The following POC1B variants were observed in gnomAD, a reference collection of about 807,000 sequenced individuals.
The protein encoded by POC1B is POC1 centriolar protein B, also known as POC1 centriolar protein homolog B.
Under a neutral mutation model 60.6 loss-of-function variants are expected in POC1B, and 44 were observed. The ratio of observed to expected loss-of-function variants is 0.73; its 90% CI spans 0.57 to 0.93. The LOEUF (loss-of-function observed/expected upper bound fraction) is 0.93. Ranked by LOEUF, POC1B falls within the 40% of genes least tolerant of loss-of-function variation. The probability of loss-of-function intolerance (pLI) is 0.00; values close to 1 mark genes in which losing one functional copy is unlikely to be tolerated. For synonymous variants in POC1B, 180 were observed against 198.9 expected (o/e 0.90, Z 0.80); for missense variants, 555 against 572.3 (o/e 0.97, Z 0.31).
At chr12:89,405,678 C>T in the POC1B span, among the ~76,000 whole-genome samples, 3,864 of 151,974 alleles carry the variant, frequency 0.025, 74 homozygotes, top group Non-Finnish European at 0.036. Context: ...AGTGCAGGGC[C>T]GGGGCGGTGG....
At chr12:89,467,472 A>G (rs1378022632) in intron 8 of POC1B, 145 bp downstream of exon 8, 25 of 630,686 alleles carry the variant, frequency 4.0e-5, no homozygotes, top group Non-Finnish European at 6.0e-5. Context: ...GCTATGAGAT[A>G]GCAGACTTCA....
chr12:89,447,924 G>A (rs965300886), intron 10 of POC1B, among the ~76,000 whole-genome samples: 1 of 151,988 alleles, frequency 6.6e-6, no homozygotes, highest in African/African-American at 2.4e-5. Context: ...AGTCTGAGGA[G>A]CCCTGAACAT....
intron 9 of POC1B, among the ~76,000 whole-genome samples, chr12:89,463,999 T>C (rs1263324879): frequency 1.3e-5 from 2 of 152,124 alleles, no homozygotes; most frequent in Non-Finnish European, 2.9e-5. Context: ...GAAAACATAA[T>C]ACAAATCATA....
intron 10 of POC1B, among the ~76,000 whole-genome samples, chr12:89,458,645 A>C (rs1447398810): frequency 6.6e-6 from 1 of 152,214 alleles, no homozygotes; most frequent in Non-Finnish European, 1.5e-5. Context: ...CCTCTGTAGA[A>C]TTCCTCTACA....
intron 2 of POC1B, chr12:89,524,426 T>A (rs779806435): frequency 6.2e-7 from 1 of 1,613,854 alleles, no homozygotes; most frequent in Non-Finnish European, 8.5e-7. Flanking sequence ...CCCAGCTCCC[T>A]GGCACGGCCG....
At chr12:89,455,538 T>C (rs1882219153) in intron 10 of POC1B, among the ~76,000 whole-genome samples, 1 of 152,174 alleles carries the variant, frequency 6.6e-6, no homozygotes, top group Non-Finnish European at 1.5e-5. Context: ...TCTGGCTAGG[T>C]TGTTTGTTTC....
intron 10 of POC1B, chr12:89,429,198 G>A (rs1302156635): frequency 6.6e-6 from 1 of 152,084 alleles, no homozygotes; most frequent in African/African-American, 2.4e-5. Context: ...TATGACATAT[G>A]GAAATGAAAG....
chr12:89,421,406 G>A (rs1244547721), intron 11 of POC1B, 149 bp from the exon 12 acceptor site: 1 of 579,778 alleles, frequency 1.7e-6, no homozygotes, highest in East Asian at 2.8e-5. Flanking sequence ...AGAACTTGCT[G>A]TGCTTCTGGG....
At chr12:89,518,030 G>A (rs1273951350) in intron 2 of POC1B, among the ~76,000 whole-genome samples, 9 of 151,488 alleles carry the variant, frequency 5.9e-5, no homozygotes, top group Non-Finnish European at 7.4e-5. Flanking sequence ...AGCTTGGCAC[G>A]AATGAAAAAG....
chr12:89,473,524 A>G (rs913913144), intron 4 of POC1B, among the ~76,000 whole-genome samples: 1 of 152,058 alleles, frequency 6.6e-6, no homozygotes, highest in African/African-American at 2.4e-5. Context: ...AGCCAGGCAT[A>G]GTGGCAGGTG....
At chr12:89,498,025 T>C (rs1450892574) in intron 2 of POC1B, among the ~76,000 whole-genome samples, 3 of 152,192 alleles carry the variant, frequency 2.0e-5, no homozygotes, top group Non-Finnish European at 4.4e-5. Context: ...CAGTGTGTTT[T>C]TCCTAAGATT....
the POC1B span, among the ~76,000 whole-genome samples, chr12:89,405,544 A>C: frequency 6.6e-6 from 1 of 152,226 alleles, no homozygotes; most frequent in Non-Finnish European, 1.5e-5. Context: ...CAGATAATAC[A>C]TTTAAATTTA....
chr12:89,523,547 C>T (rs1871117287), intron 2 of POC1B: 3 of 1,600,260 alleles, frequency 1.9e-6, no homozygotes, highest in East Asian at 2.2e-5. Context: ...TTTTCACCTC[C>T]CCACACTTCC....
intron 2 of POC1B, among the ~76,000 whole-genome samples, chr12:89,503,124 C>T (rs931094521): frequency 7.4e-6 from 1 of 134,572 alleles, no homozygotes. Flanking sequence ...TCCCCACGGT[C>T]TCCCTCTCCC....
intron 4 of POC1B, among the ~76,000 whole-genome samples, chr12:89,489,182 T>C (rs1939373081): frequency 6.6e-6 from 1 of 152,232 alleles, no homozygotes; most frequent in African/African-American, 2.4e-5. Context: ...AATTATATAC[T>C]GACTACTATG....
At chr12:89,509,973 G>A (rs1870096611) in intron 2 of POC1B, among the ~76,000 whole-genome samples, 1 of 151,972 alleles carries the variant, frequency 6.6e-6, no homozygotes, top group African/African-American at 2.4e-5. Flanking sequence ...AGCCTCCCAA[G>A]TAGCTGGGAT....
At chr12:89,443,885 G>A (rs1328734445) in intron 10 of POC1B, among the ~76,000 whole-genome samples, 3 of 151,750 alleles carry the variant, frequency 2.0e-5, no homozygotes, top group Non-Finnish European at 4.4e-5. Flanking sequence ...AAAGAGAGAA[G>A]AATCAAATAG....
intron 2 of POC1B, chr12:89,520,883 A>G (rs990019555): frequency 7.2e-5 from 11 of 152,190 alleles, no homozygotes; most frequent in Admixed American, 2.0e-4. Context: ...TAATATTGGT[A>G]TAAAACCAGT....
At chr12:89,412,298 G>A in the POC1B span, among the ~76,000 whole-genome samples, 834 of 151,384 alleles carry the variant, frequency 5.5e-3, 12 homozygotes, top group African/African-American at 0.018. Flanking sequence ...AAGTAAGGGT[G>A]TCTCATCTCA....
Sources: allele counts gnomAD v4.1 joint callset (sites outside exome capture counted in the v4.1 genomes callset), GRCh38; gene constraint gnomAD v4.1.1; transcripts MANE v1.5; gene names NCBI Gene and HGNC (gene_info 2026-07-23, HGNC 2026-07-21).